PIP5KL1: variants seen among roughly 807,000 people sequenced by gnomAD.
PIP5KL1 encodes phosphatidylinositol 4-phosphate 5-kinase-like protein 1.
PIP5KL1 carries 45 observed loss-of-function variants against 47.6 expected under a neutral mutation model. The ratio of observed to expected loss-of-function variants is 0.94; its 90% CI spans 0.74 to 1.21. The LOEUF (loss-of-function observed/expected upper bound fraction) is 1.21, where lower values mean the gene tolerates loss of function less well. PIP5KL1 is among the 50% of genes most tolerant of loss of function. The pLI is 0.00. For synonymous variants in PIP5KL1, 256 were observed against 234.6 expected (o/e 1.09, Z -0.84); for missense variants, 577 against 547.6 (o/e 1.05, Z -0.54).
intron 3 of PIP5KL1, 56 bp downstream of exon 3, chr9:127,928,377 G>A (rs1434741142): frequency 6.4e-7 from 1 of 1,559,142 alleles, no homozygotes; most frequent in East Asian, 2.4e-5. Context: ...GAAAACTGCA[G>A]AGGAGAGAGC....
rs1439402930 is a variant in PIP5KL1 at position 127,925,925 on chromosome 9, G to A, written c.705C>T (p.Gly235=). The A allele has an allele frequency of 6.2e-7, 1 of 1,614,074 alleles. No individual in the cohort carries two copies. Among genetic ancestry groups the A allele is most frequent in the East Asian group, 2.2e-5 (1 of 44,888 alleles). Residue 235 remains glycine (G), a synonymous_variant, in exon 8 of 10, where the codon GGC becomes GGT. Transcript: ENST00000388747. ...CCTTCAGCACCAGAACAAGGGGGCT[G>A]CCCTCAGGGGCGGGATCCACCCAGC... The part of the protein sequence containing the change: ...VSRWVDPAPE[G]SPLVLVLKDL...
intron 7 of PIP5KL1, among the ~76,000 whole-genome samples, chr9:127,926,598 A>T (rs150561821): frequency 4.4e-4 from 67 of 152,382 alleles, no homozygotes; most frequent in African/African-American, 1.5e-3. Context: ...TGAGTTAAAG[A>T]TAAGAGCAGA....
At chr9:127,928,342 G>A in intron 3 of PIP5KL1, 91 bp downstream of exon 3, 3 of 1,540,300 alleles carry the variant, frequency 1.9e-6, no homozygotes, top group Non-Finnish European at 2.6e-6. Flanking sequence ...TCAGGGACAA[G>A]CCTTCACTCC....
At position 127,921,965 on chromosome 9, in the gene PIP5KL1, C is replaced by A; in HGVS notation, c.1067G>T (p.Arg356Leu). ...CTTCCACAGGTGCTCCAGCCGCTTGCGGAGCCCGTAGACTGTGGCGAGATC... is the reference window on the plus strand; with the variant it reads ...CTTCCACAGGTGCTCCAGCCGCTTGAGGAGCCCGTAGACTGTGGCGAGATC... ...VVDLATVYGLRKRLEHLWKTL... is the reference protein window; with the variant it reads ...VVDLATVYGLLKRLEHLWKTL... Residue 356 changes from arginine to leucine, a missense_variant, in exon 10 of 10, where the codon CGC (arginine) becomes CTC (leucine). Arg to Leu is a moderately radical substitution (Grantham distance 102). Transcript: ENST00000388747. The A allele has an allele frequency of 6.3e-7, 1 of 1,576,428 alleles. No individual in the cohort carries two copies. Among genetic ancestry groups the A allele is most frequent in the Non-Finnish European group, 8.6e-7 (1 of 1,162,246 alleles).
chr9:127,930,140 A>G (rs182662379), intron 1 of PIP5KL1, among the ~76,000 whole-genome samples: 7 of 152,342 alleles, frequency 4.6e-5, no homozygotes, highest in Admixed American at 4.6e-4. Context: ...ACCTGGCCTT[A>G]GATGGACCGT....
At chr9:127,922,286 G>T (rs1831293948) in intron 9 of PIP5KL1, among the ~76,000 whole-genome samples, 172 bp from the exon 10 acceptor site, 1 of 151,878 alleles carries the variant, frequency 6.6e-6, no homozygotes, top group South Asian at 2.1e-4. Context: ...TTGGGCTAGA[G>T]GTGCACTGTT....
intron 8 of PIP5KL1, 179 bp from the exon 9 acceptor site, chr9:127,925,439 G>C (rs545023914): frequency 1.6e-6 from 1 of 634,676 alleles, no homozygotes; most frequent in East Asian, 2.9e-5. Flanking sequence ...TTTGAACTCT[G>C]CTCTGCCTGA....
In PIP5KL1 at chr9:127,921,804, G is replaced by A. The variant is rs1320542620; in HGVS notation, c.*43C>T. The A allele has an allele frequency of 3.3e-6, 5 of 1,536,644 alleles. No individual in the cohort carries two copies. Among genetic ancestry groups the A allele is most frequent in the Admixed American group, 1.9e-5 (1 of 51,930 alleles). ...GCCCGGGGGAACCGGCGTTCCTGGC[G>A]TGAGCCCATCGTCCAGATCCGGAGA... On this transcript the variant is annotated 3_prime_UTR_variant, in exon 10 of 10. Coordinates refer to ENST00000388747, the MANE Select transcript of PIP5KL1 (RefSeq NM_001135219.2).
chr9:127,928,043 C>T, intron 4 of PIP5KL1, 22 bp downstream of exon 4: 1 of 1,526,770 alleles, frequency 6.5e-7, no homozygotes, highest in Non-Finnish European at 8.8e-7. Context: ...CCACCCCTGC[C>T]CCACCCCTGC....
At position 127,921,663 on chromosome 9, in the gene PIP5KL1, C is replaced by T. The variant is rs938221169; in HGVS notation, c.*184G>A. The T allele has an allele frequency of 4.9e-6, 4 of 810,848 alleles. No homozygotes were observed. Among genetic ancestry groups the T allele is most frequent in the Non-Finnish European group, 7.5e-6 (4 of 532,448 alleles). 50.2% of individuals were successfully genotyped at this position (810,848 alleles called of 1,614,324 possible). A position where few individuals can be genotyped will look rare whatever the true frequency, so the allele number is the denominator to read the frequency against. ...TTAAATGAGCTAAAGTAGGGGAGTC[C>T]TTGGCACGATGCTGGGCACGGCACC... is the stretch of plus-strand genomic sequence containing the variant. On this transcript the variant is annotated 3_prime_UTR_variant, in exon 10 of 10. Coordinates refer to ENST00000388747, the MANE Select transcript of PIP5KL1 (RefSeq NM_001135219.2).
At chr9:127,925,490 G>C (rs1217504131) in intron 8 of PIP5KL1, 1 of 535,954 alleles carries the variant, frequency 1.9e-6, no homozygotes, top group Non-Finnish European at 3.2e-6. Flanking sequence ...TTTTGAGACA[G>C]AGTCTTGCTC....
At chr9:127,930,373 C>G (rs957373920) in intron 1 of PIP5KL1, among the ~76,000 whole-genome samples, 11 of 152,220 alleles carry the variant, frequency 7.2e-5, no homozygotes, top group African/African-American at 2.7e-4. Flanking sequence ...TCCAGGCCAG[C>G]ACGGAGGGGC....
rs890303203 is a variant in PIP5KL1 at position 127,928,641 on chromosome 9, AG to A, written c.229-159del. The A allele has an allele frequency of 4.8e-5, 37 of 767,128 alleles. No homozygotes were observed. In the African/African-American group the frequency reaches 5.6e-4, roughly 12 times the overall value. 47.5% of individuals were successfully genotyped at this position (767,128 alleles called of 1,614,324 possible). ...GTTTCTGAGAGTGCCTGAGTTGGGC[AG>A]ATGCATTGCTCACCTCCCAGGGATG... On this transcript the variant is annotated intron_variant, in intron 2 of 9. Transcript: ENST00000388747.
Position 127,927,165 on chromosome 9 carries a change from C to A in PIP5KL1, c.638G>T (p.Arg213Leu), listed in dbSNP as rs1564138029. Residue 213 changes from arginine (R) to leucine (L), a missense_variant, in exon 7 of 10, where the codon CGC (arginine) becomes CTC (leucine). Coordinates refer to ENST00000388747, the MANE Select transcript of PIP5KL1 (RefSeq NM_001135219.2). This position sits in a 1 kb window ranked among gnomAD's most constrained non-coding sequence, Gnocchi z 5.5. ...VMQSVFYPAG[R>L]ISERYDIKGC... is the part of the protein sequence containing the mutation. ...TTAGGCCACTCACCTCTCGGAGATG[C>A]GGCCGGCGGGGTAGAAGACGCTCTG... 2 of 1,611,066 alleles carry A rather than the reference C, an allele frequency of 1.2e-6. No homozygotes were observed. Among genetic ancestry groups the A allele is most frequent in the African/African-American group, 1.3e-5 (1 of 74,846 alleles).
intron 9 of PIP5KL1, among the ~76,000 whole-genome samples, chr9:127,922,518 C>G (rs1237280479): frequency 6.6e-6 from 1 of 151,632 alleles, no homozygotes; most frequent in Non-Finnish European, 1.5e-5. Context: ...TGGCGAAACC[C>G]CATCTCTACT....
intron 8 of PIP5KL1, 137 bp downstream of exon 8, chr9:127,925,730 C>T (rs1831352633): frequency 4.1e-6 from 3 of 734,194 alleles, no homozygotes; most frequent in African/African-American, 3.5e-5. Flanking sequence ...TCCCAAAGTG[C>T]TGGAATTACA....
chr9:127,922,408 G>A (rs1466383998), intron 9 of PIP5KL1, among the ~76,000 whole-genome samples: 1 of 152,180 alleles, frequency 6.6e-6, no homozygotes, highest in African/African-American at 2.4e-5. Flanking sequence ...ATGAAAAAAA[G>A]GATGTAAGGC....
intron 1 of PIP5KL1, 126 bp from the exon 2 acceptor site, chr9:127,930,011 T>G: frequency 1.0e-6 from 1 of 964,676 alleles, no homozygotes; most frequent in Non-Finnish European, 1.5e-6. Flanking sequence ...TTTCTTCAGC[T>G]GTAAAATAGA....
intron 9 of PIP5KL1, among the ~76,000 whole-genome samples, chr9:127,924,905 C>A (rs1831337415): frequency 6.6e-6 from 1 of 151,974 alleles, no homozygotes; most frequent in African/African-American, 2.4e-5. Context: ...TGCACACCCA[C>A]ACACATGCAC....
Sources: gnomAD v4.1 joint callset for allele counts (sites outside exome capture counted in the v4.1 genomes callset) on GRCh38, gnomAD v4.1.1 for gene constraint, Gnocchi (gnomAD v3.1) non-coding constraint, MANE v1.5 for transcripts, NCBI Gene and HGNC (gene_info 2026-07-23, HGNC 2026-07-21) for gene names.